Variants in CDC42BPB observed in about 807,000 individuals in gnomAD.
CDC42BPB encodes CDC42 binding protein kinase beta, also known as serine/threonine-protein kinase MRCK beta.
A neutral mutation model predicts 214.9 loss-of-function variants in CDC42BPB; 37 were observed. The ratio of observed to expected loss-of-function variants is 0.17; its 90% confidence interval spans 0.13 to 0.23. CDC42BPB has a LOEUF of 0.23. Ranked by LOEUF, CDC42BPB falls within the 10% of genes least tolerant of loss-of-function variation. The pLI is 1.00. For synonymous variants in CDC42BPB, 931 were observed against 884.0 expected (o/e 1.05, Z -0.94); for missense variants, 1,694 against 2,227.0 (o/e 0.76, Z 4.82).
rs1044604275 is a variant in CDC42BPB, at chr14:103,052,603, T to G, written c.175+4396A>C. ...CCGTGAGAAGATACTATCACACTCA[T>G]GGTGAGAAAAGCCACAAATGAGGAA... On this transcript the variant is annotated intron_variant, in intron 1 of 36. Transcript: ENST00000361246. Among the ~76,000 whole-genome samples the G allele has an allele frequency of 7.9e-5, 12 of 152,176 alleles. 1 individual carries two copies.
intron 1 of CDC42BPB, among the ~76,000 whole-genome samples, chr14:103,014,174 A>C (rs1484298025): frequency 3.3e-5 from 5 of 151,464 alleles, no homozygotes; most frequent in African/African-American, 4.8e-5. Context: ...TCAAAAAAAA[A>C]AAAAAAAAAA....
intron 29 of CDC42BPB, chr14:102,945,226 G>A (rs1299367395): frequency 2.2e-6 from 1 of 458,084 alleles, no homozygotes; most frequent in South Asian, 1.5e-5. Flanking sequence ...CCTGCCCCCT[G>A]CCCATGGCCA....
intron 1 of CDC42BPB, among the ~76,000 whole-genome samples, chr14:103,025,321 C>T (rs926758248): frequency 4.6e-5 from 7 of 152,014 alleles, no homozygotes; most frequent in African/African-American, 9.7e-5. Flanking sequence ...GTGTACCCTA[C>T]GGCACAGAAA....
At chr14:102,976,304 C>G (rs886595086) in intron 9 of CDC42BPB, 2 of 643,434 alleles carry the variant, frequency 3.1e-6, no homozygotes, top group Admixed American at 6.3e-5. Context: ...TCTAAATCAT[C>G]CCCCACACTT....
intron 3 of CDC42BPB, among the ~76,000 whole-genome samples, chr14:103,005,973 C>A (rs370335041): frequency 6.8e-6 from 1 of 146,726 alleles, no homozygotes; most frequent in African/African-American, 2.5e-5. Flanking sequence ...GAGCCAAGAT[C>A]GTGCCATTGC....
Position 102,980,852 on chromosome 14 carries a change from T to C in CDC42BPB, c.1061A>G (p.Glu354Gly), listed in dbSNP as rs1893964881. ...GLNWENIRNL[E>G]APYIPDVSSP... ...GCTCACATCAGGAATATAAGGTGCT[T>C]CTAGGTTTCGTATATTTTCCCAATT... is the stretch of plus-strand genomic sequence containing the variant. The change falls in exon 8 of 37, where the codon GAA becomes GGA. Residue 354 changes from glutamate (E) to glycine (G), a missense_variant. Around this residue, in one of 7 missense-constraint regions of CDC42BPB, gnomAD observed 225 missense variants for 459.3 expected, o/e 0.49. Coordinates refer to ENST00000361246, the MANE Select transcript of CDC42BPB (RefSeq NM_006035.4). 6.2e-7 allele frequency: 1 copy of C among 1,614,072 alleles called. No homozygotes were observed. Among genetic ancestry groups the C allele is most frequent in the African/African-American group, 1.3e-5 (1 of 74,912 alleles).
At position 103,048,532 on chromosome 14, in the gene CDC42BPB, C is replaced by CAAAAAAAAAAAAA. The variant is rs71119751; in HGVS notation, c.175+8454_175+8466dup. On this transcript the variant is annotated intron_variant, in intron 1 of 36. Transcript: ENST00000361246. ...TGAAACCCTGTTTCTACTAAAAATA[C>CAAAAAAAAAAAAA]AAAAAAAAAAAAAAAAAAAAAAAAA... Among the ~76,000 whole-genome samples, 23 of 42,656 alleles carry CAAAAAAAAAAAAA rather than the reference C, an allele frequency of 5.4e-4. 1 individual carries two copies. Among genetic ancestry groups the CAAAAAAAAAAAAA allele is most frequent in the Non-Finnish European group, 6.1e-4 (15 of 24,728 alleles). 28.0% of individuals were successfully genotyped at this position (42,656 alleles called of 152,430 possible). A position where few individuals can be genotyped will look rare whatever the true frequency, so the allele number is the denominator to read the frequency against.
intron 8 of CDC42BPB, 48 bp from the exon 9 acceptor site, chr14:102,978,253 C>A (rs749687789): frequency 1.2e-6 from 2 of 1,603,948 alleles, no homozygotes; most frequent in South Asian, 2.2e-5. Flanking sequence ...TTCAAACAAA[C>A]AGGTAAAAAG....
chr14:102,965,202 G>C (rs1049213453), intron 18 of CDC42BPB, among the ~76,000 whole-genome samples: 1 of 152,040 alleles, frequency 6.6e-6, no homozygotes, highest in African/African-American at 2.4e-5. Flanking sequence ...AAAGTGCTGG[G>C]ATTACAGGCA....
intron 1 of CDC42BPB, among the ~76,000 whole-genome samples, chr14:103,053,943 T>C (rs1377587978): frequency 1.3e-5 from 2 of 152,032 alleles, no homozygotes; most frequent in Non-Finnish European, 2.9e-5. Context: ...CAGGCTCAAG[T>C]GATCCACCCA....
chr14:103,056,947 G>A (rs1889016787), intron 1 of CDC42BPB, 52 bp downstream of exon 1: 1 of 1,254,012 alleles, frequency 8.0e-7, no homozygotes, highest in Non-Finnish European at 1.0e-6. Flanking sequence ...TGCGCGGGCT[G>A]GGGCGCGGGG....
chr14:102,993,741 G>A (rs1039477480), intron 5 of CDC42BPB, among the ~76,000 whole-genome samples: 9 of 152,166 alleles, frequency 5.9e-5, no homozygotes, highest in African/African-American at 1.9e-4. Context: ...CCAGTTTTAT[G>A]ACAAGGAAGA....
At position 102,950,595 on chromosome 14, in the gene CDC42BPB, G is replaced by C. The variant is rs780149260; in HGVS notation, c.3180C>G (p.Ser1060=). 8 of 1,587,894 alleles carry C rather than the reference G, an allele frequency of 5.0e-6. No individual in the cohort carries two copies. The Admixed American group carries it at 1.2e-4, about 24-fold the overall frequency. The change falls in exon 25 of 37, where the codon TCC becomes TCG. Residue 1060 remains serine (S), a synonymous_variant. Coordinates refer to ENST00000361246, the MANE Select transcript of CDC42BPB (RefSeq NM_006035.4). The part of the protein sequence containing the change: ...IRQGYACEVC[S]FACHVSCKDG... ...CTTTGCAGGACACGTGGCAAGCAAAGGAACACACTGGAAGAGAGCAAGAAC... is the reference window on the plus strand; with the variant it reads ...CTTTGCAGGACACGTGGCAAGCAAACGAACACACTGGAAGAGAGCAAGAAC...
chr14:103,026,890 G>A (rs1481959418), intron 1 of CDC42BPB, among the ~76,000 whole-genome samples: 1 of 150,344 alleles, frequency 6.7e-6, no homozygotes, highest in East Asian at 1.9e-4. Context: ...AAAAAAGTGA[G>A]AAGACAAACA....
chr14:102,945,063 C>T (rs1892093236), intron 29 of CDC42BPB: 1 of 340,398 alleles, frequency 2.9e-6, no homozygotes, highest in Admixed American at 3.9e-5. Context: ...GCTCAGATCT[C>T]CCCACAGAGC....
chr14:102,943,904 A>T lies in CDC42BPB; in HGVS notation c.4395T>A (p.Ala1465=), dbSNP rs781726531. 45 of 1,608,318 alleles carry T rather than the reference A, an allele frequency of 2.8e-5. No individual in the cohort carries two copies. In the South Asian group the frequency reaches 4.7e-4, roughly 17 times the overall value. The stretch of plus-strand genomic sequence containing the variant: ...ACATATACATACTACAGGCGACAGG[A>T]GCCGCAGGCCACATGAGCTCCTGCG... ...ARAQELMWPA[A]PVACSCSPTH... Residue 1465 remains alanine, a synonymous_variant, in exon 30 of 37, where the codon GCT becomes GCA. Coordinates refer to ENST00000361246, the MANE Select transcript of CDC42BPB (RefSeq NM_006035.4). This position sits in a 1 kb window ranked among gnomAD's most constrained non-coding sequence, Gnocchi z 4.6.
chr14:103,033,806 T>C (rs1887521459), intron 1 of CDC42BPB, among the ~76,000 whole-genome samples: 1 of 152,204 alleles, frequency 6.6e-6, no homozygotes, highest in African/African-American at 2.4e-5. Flanking sequence ...AACAGGAAGA[T>C]TGAATCGAAA....
chr14:102,940,501 G>A, intron 30 of CDC42BPB, 177 bp from the exon 31 acceptor site: 1 of 1,442,762 alleles, frequency 6.9e-7, no homozygotes, highest in Admixed American at 2.7e-5. Context: ...TCATTTCAAA[G>A]TTTAAACAAA....
intron 21 of CDC42BPB, among the ~76,000 whole-genome samples, chr14:102,956,623 A>G (rs1358278700): frequency 6.6e-6 from 1 of 151,934 alleles, no homozygotes; most frequent in African/African-American, 2.4e-5. Flanking sequence ...TGAGGTTAGG[A>G]GTTTGAGACC....
Sources: allele counts gnomAD v4.1 joint callset (sites outside exome capture counted in the v4.1 genomes callset), GRCh38; gene constraint gnomAD v4.1.1; regional missense constraint gnomAD v4.1.1; non-coding constraint Gnocchi (gnomAD v3.1); transcripts MANE v1.5; gene names NCBI Gene and HGNC (gene_info 2026-07-23, HGNC 2026-07-21).